The following POLK variants were observed in gnomAD, a reference collection of about 807,000 sequenced individuals.
The protein encoded by POLK is polymerase (DNA directed) kappa.
In POLK, 76 loss-of-function variants were observed where a neutral mutation model predicts 94.0. The ratio of observed to expected loss-of-function variants is 0.81; its 90% CI spans 0.67 to 0.98. POLK has a LOEUF of 0.98. Ranked by LOEUF, POLK falls within the 50% of genes least tolerant of loss-of-function variation. POLK has a pLI of 0.00. For synonymous variants in POLK, 349 were observed against 325.4 expected, an observed-to-expected ratio of 1.07 and a Z score of -0.78; for missense variants, 954 against 1,010.1, an observed-to-expected ratio of 0.94 and a Z score of 0.75.
chr5:75,537,555 C>T (rs1769506535), intron 1 of POLK, among the ~76,000 whole-genome samples: 1 of 152,196 alleles, frequency 6.6e-6, no homozygotes, highest in African/African-American at 2.4e-5. Context: ...TCTGTGAGAG[C>T]AATGCGCATG....
At chr5:75,569,490 C>T in exon 4 of POLK, 1 of 1,607,862 alleles carries the variant, frequency 6.2e-7, no homozygotes, top group Non-Finnish European at 8.5e-7. Flanking sequence ...AATGAGTATG[C>T]TGGTAAGTAA....
chr5:75,536,374 G>A (rs1052634996), intron 1 of POLK, among the ~76,000 whole-genome samples: 1 of 152,192 alleles, frequency 6.6e-6, no homozygotes, highest in African/African-American at 2.4e-5. Flanking sequence ...GAAACATGAG[G>A]TTGTGCCTGC....
chr5:75,604,731 TTTG>T (rs1773379006), downstream of POLK, among the ~76,000 whole-genome samples: 4 of 152,168 alleles, frequency 2.6e-5, no homozygotes, highest in Admixed American at 2.6e-4. Flanking sequence ...CAGTGATATA[TTTG>T]AACACACTTT....
chr5:75,524,214 G>T (rs1301467200), intron 1 of POLK, among the ~76,000 whole-genome samples: 1 of 152,120 alleles, frequency 6.6e-6, no homozygotes, highest in Non-Finnish European at 1.5e-5. Flanking sequence ...TGCTCATAGA[G>T]AATATGAGAA....
downstream of POLK, among the ~76,000 whole-genome samples, chr5:75,603,085 C>T (rs926753554): frequency 2.0e-5 from 3 of 152,154 alleles, no homozygotes; most frequent in Admixed American, 1.3e-4. Context: ...TGTAAGAAGG[C>T]TGTAAGTTAA....
chr5:75,542,796 G>A (rs764058501), intron 1 of POLK, among the ~76,000 whole-genome samples: 3 of 149,208 alleles, frequency 2.0e-5, no homozygotes, highest in South Asian at 2.1e-4. Flanking sequence ...CACTGCAACC[G>A]CCACCTCCCA....
chr5:75,608,517 G>C, the POLK span, among the ~76,000 whole-genome samples: 18 of 152,226 alleles, frequency 1.2e-4, no homozygotes, highest in Admixed American at 2.6e-4. Flanking sequence ...AAAAATCACT[G>C]TATTTATGAA....
chr5:75,545,541 G>C (rs1039310437), intron 1 of POLK, among the ~76,000 whole-genome samples: 1 of 152,070 alleles, frequency 6.6e-6, no homozygotes, highest in African/African-American at 2.4e-5. Context: ...TGTTTTGCAT[G>C]GTTGTAAATA....
intron 5 of POLK, among the ~76,000 whole-genome samples, chr5:75,574,729 T>G (rs901868327): frequency 1.3e-5 from 2 of 151,998 alleles, no homozygotes; most frequent in Non-Finnish European, 2.9e-5. Flanking sequence ...GGTTTGTTTG[T>G]TTTTTTTCTG....
At chr5:75,531,477 C>G (rs1190471139) in intron 1 of POLK, among the ~76,000 whole-genome samples, 1 of 151,886 alleles carries the variant, frequency 6.6e-6, no homozygotes, top group Non-Finnish European at 1.5e-5. Context: ...GGCTGTGGAC[C>G]AGTGCTTATC....
intron 8 of POLK, among the ~76,000 whole-genome samples, chr5:75,584,444 G>A (rs959802172): frequency 6.6e-6 from 1 of 152,112 alleles, no homozygotes; most frequent in African/African-American, 2.4e-5. Flanking sequence ...CAGGGTGGGC[G>A]GATCACCTAA....
chr5:75,558,511 T>A (rs1770764307), intron 3 of POLK, among the ~76,000 whole-genome samples: 1 of 152,164 alleles, frequency 6.6e-6, no homozygotes, highest in Admixed American at 6.5e-5. Flanking sequence ...ACTTCCAAAT[T>A]AAAAAATTCT....
At chr5:75,591,552 A>T (rs1215125802) in intron 11 of POLK, among the ~76,000 whole-genome samples, 1 of 152,220 alleles carries the variant, frequency 6.6e-6, no homozygotes, top group Non-Finnish European at 1.5e-5. Flanking sequence ...CAAAAATAAG[A>T]AACTGACATT....
intron 2 of POLK, among the ~76,000 whole-genome samples, chr5:75,548,426 C>A (rs950008566): frequency 1.3e-5 from 2 of 150,620 alleles, no homozygotes; most frequent in African/African-American, 2.4e-5. Flanking sequence ...TAAAAGAATT[C>A]TTTAATTTTT....
chr5:75,531,738 G>T (rs1457771626), intron 1 of POLK, among the ~76,000 whole-genome samples: 1 of 152,034 alleles, frequency 6.6e-6, no homozygotes, highest in African/African-American at 2.4e-5. Context: ...GTTGTAGTGA[G>T]CTGAGACTGT....
At chr5:75,550,903 C>CTAACCAG (rs1371466150) in intron 2 of POLK, among the ~76,000 whole-genome samples, 2 of 152,072 alleles carry the variant, frequency 1.3e-5, no homozygotes, top group Admixed American at 1.3e-4. Context: ...CCTAACAGTT[C>CTAACCAG]TAACCAGTGC....
chr5:75,527,542 A>C (rs1001255122), intron 1 of POLK, among the ~76,000 whole-genome samples: 15 of 133,354 alleles, frequency 1.1e-4, no homozygotes, highest in South Asian at 7.2e-4. Flanking sequence ...CACACACACA[A>C]GTACGTGTGT....
At chr5:75,544,148 G>GT (rs1340377084) in intron 1 of POLK, among the ~76,000 whole-genome samples, 2 of 152,174 alleles carry the variant, frequency 1.3e-5, no homozygotes, top group Non-Finnish European at 2.9e-5. Flanking sequence ...CTTCTCAAGA[G>GT]TTTTTTGGCT....
At chr5:75,577,037 GGATA>G (rs1771920436) in intron 6 of POLK, 104 bp downstream of exon 6, 2 of 613,110 alleles carry the variant, frequency 3.3e-6, no homozygotes, top group African/African-American at 1.9e-5. Context: ...TAGGTAGAAG[GGATA>G]GATATGTACC....
Sources: gnomAD v4.1 joint callset for allele counts (sites outside exome capture counted in the v4.1 genomes callset) on GRCh38, gnomAD v4.1.1 for gene constraint, MANE v1.5 for transcripts, NCBI Gene and HGNC (gene_info 2026-07-23, HGNC 2026-07-21) for gene names.